The following GMFG variants were observed in gnomAD, a reference collection of about 807,000 sequenced individuals.
The protein encoded by GMFG is glia maturation factor gamma.
Under a neutral mutation model 26.1 loss-of-function variants are expected in GMFG, and 21 were observed. The observed-to-expected ratio is 0.80, with a 90% confidence interval of 0.57 to 1.16. GMFG has a LOEUF of 1.16. Among genes scored for constraint, GMFG ranks in the 50% most tolerant of loss-of-function variants. The probability of loss-of-function intolerance (pLI) is 0.00; values close to 1 mark genes in which losing one functional copy is unlikely to be tolerated. For missense variants in GMFG, 161 were observed against 178.3 expected (o/e 0.90, Z 0.55); for synonymous variants, 65 against 60.8 (o/e 1.07, Z -0.32).
At position 39,335,314 on chromosome 19, in the gene GMFG, G is replaced by C. The variant is rs547389726; in HGVS notation, c.101-4C>G. ...TGCCGGTCTTTGTCCACCTTCACTG[G>C]GGAGGGGTGGCACACAGGGATTAGA... On this transcript the variant is annotated splice_region_variant and splice_polypyrimidine_tract_variant and intron_variant, in intron 2 of 6. Coordinates refer to ENST00000597595, the MANE Select transcript of GMFG (RefSeq NM_004877.4). The C allele has an allele frequency of 1.3e-6, 2 of 1,576,950 alleles. No homozygotes were observed. Among genetic ancestry groups the C allele is most frequent in the Non-Finnish European group, 1.7e-6 (2 of 1,159,524 alleles).
intron 4 of GMFG, among the ~76,000 whole-genome samples, chr19:39,331,975 C>T (rs940932065): frequency 2.2e-4 from 33 of 151,764 alleles, no homozygotes; most frequent in African/African-American, 7.5e-4. Context: ...TGACCCCCGA[C>T]ATCAGCCTCC....
At chr19:39,328,964 C>A in intron 6 of GMFG, 36 bp downstream of exon 6, 1 of 1,473,106 alleles carries the variant, frequency 6.8e-7, no homozygotes, top group Non-Finnish European at 9.5e-7. Flanking sequence ...CACACCACCT[C>A]TCCCTAACAC....
In GMFG at chr19:39,335,465, G is replaced by T. The variant is rs189609402; in HGVS notation, c.70C>A (p.Arg24=). The T allele has an allele frequency of 1.2e-6, 2 of 1,613,622 alleles. No individual in the cohort carries two copies. Among genetic ancestry groups the T allele is most frequent in the Non-Finnish European group, 1.7e-6 (2 of 1,179,584 alleles). The part of the protein sequence containing the change: ...LTEKLRKFRF[R]KETDNAAIIM... ...ATGGCTGCATTGTCTGTCTCTTTTC[G>T]GAAGCGGAATTTCCTCAGCTTTTCT... is the stretch of plus-strand genomic sequence containing the variant. Residue 24 remains arginine, a synonymous_variant, in exon 2 of 7, where the codon CGA becomes AGA. Coordinates refer to ENST00000597595, the MANE Select transcript of GMFG (RefSeq NM_004877.4).
chr19:39,329,086 G>C lies in GMFG; in HGVS notation c.284-13C>G, dbSNP rs2075215625. The C allele has an allele frequency of 6.3e-7, 1 of 1,599,506 alleles. No individual in the cohort carries two copies. Among genetic ancestry groups the C allele is most frequent in the South Asian group, 1.1e-5 (1 of 90,762 alleles). On this transcript the variant is annotated splice_polypyrimidine_tract_variant and intron_variant, in intron 5 of 6. Coordinates refer to ENST00000597595, the MANE Select transcript of GMFG (RefSeq NM_004877.4). ...TCCGGCTTGCAGCCTGCGTGGAAAA[G>C]AGGAGAAAGGCACATCAGTGGGGAC...
At chr19:39,328,920 G>A (rs781541007) in intron 6 of GMFG, 80 bp downstream of exon 6, 1 of 972,902 alleles carries the variant, frequency 1.0e-6, no homozygotes, top group Admixed American at 1.7e-5. Flanking sequence ...GAGACAGTGA[G>A]GACTCTAGTC....
chr19:39,335,421 A>C lies in GMFG; in HGVS notation c.100+14T>G, dbSNP rs1283815158. ...CCGCCCTCCCATCCTTCTGTGGGGG[A>C]AGATGTCACTCACTTATGATGGCTG... On this transcript the variant is annotated intron_variant, in intron 2 of 6. Transcript: ENST00000597595. 1 of 1,601,400 alleles carries C rather than the reference A, an allele frequency of 6.2e-7. No homozygotes were observed. Among genetic ancestry groups the C allele is most frequent in the Non-Finnish European group, 8.6e-7 (1 of 1,168,612 alleles).
At chr19:39,335,872 C>T in intron 1 of GMFG, 102 bp downstream of exon 1, 1 of 825,356 alleles carries the variant, frequency 1.2e-6, no homozygotes, top group Non-Finnish European at 2.1e-6. Context: ...CCCTTCCCGG[C>T]CCGTGACCTC....
chr19:39,335,170 C>A, intron 3 of GMFG, 91 bp downstream of exon 3: 1 of 1,014,734 alleles, frequency 9.9e-7, no homozygotes, highest in South Asian at 1.6e-5. Flanking sequence ...GTCTTTCTAC[C>A]CCCATGCCAG....
At chr19:39,333,199 C>G in intron 3 of GMFG, 73 bp from the exon 4 acceptor site, 2 of 803,664 alleles carry the variant, frequency 2.5e-6, no homozygotes, top group Non-Finnish European at 3.9e-6. Flanking sequence ...AATCCCAGCA[C>G]TTTGGGAGGC....
At chr19:39,328,787 A>G in intron 6 of GMFG, 1 of 613,528 alleles carries the variant, frequency 1.6e-6, no homozygotes, top group South Asian at 1.9e-5. Flanking sequence ...CTGAGGCAGG[A>G]GAATTGCTTG....
chr19:39,330,066 T>C (rs2075220365), intron 4 of GMFG, among the ~76,000 whole-genome samples: 2 of 152,054 alleles, frequency 1.3e-5, no homozygotes, highest in African/African-American at 4.8e-5. Flanking sequence ...GTGACAAAAG[T>C]GGAACTCCAT....
intron 4 of GMFG, among the ~76,000 whole-genome samples, chr19:39,331,272 G>A (rs928239468): frequency 6.6e-6 from 1 of 152,164 alleles, no homozygotes; most frequent in Non-Finnish European, 1.5e-5. Context: ...TGGACTGCCT[G>A]TGAACCTAGC....
chr19:39,334,625 A>T (rs1330417021), intron 3 of GMFG, among the ~76,000 whole-genome samples: 1 of 152,084 alleles, frequency 6.6e-6, no homozygotes, highest in African/African-American at 2.4e-5. Context: ...CATTATTATC[A>T]TCATTATTAA....
At position 39,329,037 on chromosome 19, in the gene GMFG, C is replaced by T. The variant is rs891674689; in HGVS notation, c.320G>A (p.Ser107Asn). The T allele has an allele frequency of 6.2e-7, 1 of 1,613,696 alleles. No homozygotes were observed. Among genetic ancestry groups the T allele is most frequent in the Non-Finnish European group, 8.5e-7 (1 of 1,179,692 alleles). The change falls in exon 6 of 7, where the codon AGT becomes AAT. Residue 107 changes from serine to asparagine, a missense_variant. Physicochemically the swap from Ser to Asn is conservative, Grantham distance 46 (BLOSUM62 1). Coordinates refer to ENST00000597595, the MANE Select transcript of GMFG (RefSeq NM_004877.4). ...KPEQQMMYAG[S>N]KNRLVQTAEL... Reference sequence around the variant, plus strand: ...TGCTGTCTGCACCAGCCTGTTTTTACTCCCTGCATACATCATCTGTTGTTC... The same window carrying T: ...TGCTGTCTGCACCAGCCTGTTTTTATTCCCTGCATACATCATCTGTTGTTC...
intron 4 of GMFG, among the ~76,000 whole-genome samples, chr19:39,332,333 C>CAA (rs575743761): frequency 5.2e-5 from 6 of 115,430 alleles, no homozygotes; most frequent in Non-Finnish European, 3.8e-5. Context: ...CTGTCTCTAA[C>CAA]AAAAAAAAAA....
chr19:39,331,973 G>GAC (rs959536774), intron 4 of GMFG, among the ~76,000 whole-genome samples: 1 of 151,158 alleles, frequency 6.6e-6, no homozygotes, highest in African/African-American at 2.4e-5. Context: ...ACTGACCCCC[G>GAC]ACATCAGCCT....
Position 39,328,447 on chromosome 19 carries a change from A to T in GMFG, c.*30T>A. ...GTCCCCAGTCACCTTGAGGACTCAG[A>T]CATCAGGAATTCAGTCCCCAGCCCA... is the stretch of plus-strand genomic sequence containing the variant. On this transcript the variant is annotated 3_prime_UTR_variant, in exon 7 of 7. Coordinates refer to ENST00000597595, the MANE Select transcript of GMFG (RefSeq NM_004877.4). 6.7e-7 allele frequency: 1 copy of T among 1,484,552 alleles called. No homozygotes were observed. The highest frequency in any genetic ancestry group is 9.4e-7 in the Non-Finnish European group (1 of 1,061,814). The allele number at this position is 1,484,552 out of a possible 1,614,324, so 92.0% of individuals were successfully genotyped here.
Position 39,335,316 on chromosome 19 carries a change from G to A in GMFG, c.101-6C>T. 2 of 1,578,086 alleles carry A rather than the reference G, an allele frequency of 1.3e-6. No individual in the cohort carries two copies. The highest frequency in any genetic ancestry group is 8.6e-7 in the Non-Finnish European group (1 of 1,160,028). The stretch of plus-strand genomic sequence containing the variant: ...CCGGTCTTTGTCCACCTTCACTGGG[G>A]AGGGGTGGCACACAGGGATTAGACA... On this transcript the variant is annotated splice_region_variant and splice_polypyrimidine_tract_variant and intron_variant, in intron 2 of 6. Transcript: ENST00000597595.
intron 3 of GMFG, among the ~76,000 whole-genome samples, chr19:39,334,675 C>A (rs917580307): frequency 6.6e-6 from 1 of 152,234 alleles, no homozygotes; most frequent in Non-Finnish European, 1.5e-5. Flanking sequence ...AAGTGCCAGG[C>A]CTTGTTCTAA....
Sources: gnomAD v4.1 joint callset for allele counts (sites outside exome capture counted in the v4.1 genomes callset) on GRCh38, gnomAD v4.1.1 for gene constraint, MANE v1.5 for transcripts, NCBI Gene and HGNC (gene_info 2026-07-23, HGNC 2026-07-21) for gene names.